The following SLX4IP variants were observed in gnomAD, a reference collection of about 807,000 sequenced individuals.
SLX4IP encodes protein SLX4IP.
In SLX4IP, 34 loss-of-function variants were observed where a neutral mutation model predicts 32.9. The ratio of observed to expected loss-of-function variants is 1.03; its 90% CI spans 0.79 to 1.38. The LOEUF (loss-of-function observed/expected upper bound fraction) is 1.38, where lower values mean the gene tolerates loss of function less well. Among genes scored for constraint, SLX4IP ranks in the 40% most tolerant of loss-of-function variants. The probability of loss-of-function intolerance (pLI) is 0.00; values close to 1 mark genes in which losing one functional copy is unlikely to be tolerated. For missense variants in SLX4IP, 444 were observed against 479.0 expected (o/e 0.93, Z 0.68); for synonymous variants, 172 against 171.7 (o/e 1.00, Z -0.01).
At chr20:10,449,397 C>T (rs2065224835) in intron 1 of SLX4IP, among the ~76,000 whole-genome samples, 1 of 152,198 alleles carries the variant, frequency 6.6e-6, no homozygotes, top group East Asian at 1.9e-4. Flanking sequence ...AGGTCATACT[C>T]TGTGTTGGGA....
At chr20:10,440,825 G>T (rs1404674695) in intron 1 of SLX4IP, among the ~76,000 whole-genome samples, 1 of 152,174 alleles carries the variant, frequency 6.6e-6, no homozygotes, top group Non-Finnish European at 1.5e-5. Context: ...TTACAAAGTG[G>T]ATTGATCATG....
At chr20:10,492,422 A>G (rs1014488414) in intron 2 of SLX4IP, among the ~76,000 whole-genome samples, 5 of 152,010 alleles carry the variant, frequency 3.3e-5, no homozygotes. Context: ...ACTTTTTCCA[A>G]TCTTATGGGT....
At position 10,435,460 on chromosome 20, in the gene SLX4IP, A is replaced by C. The variant is rs2065101646; in HGVS notation, c.-30+7A>C. 6.6e-6 allele frequency: 1 copy of C among 152,296 alleles called. No homozygotes were observed. Among genetic ancestry groups the C allele is most frequent in the African/African-American group, 2.4e-5 (1 of 41,472 alleles). 9.4% of individuals were successfully genotyped at this position (152,296 alleles called of 1,614,324 possible). On this transcript the variant is annotated splice_region_variant and intron_variant, in intron 1 of 7. Coordinates refer to ENST00000334534, the MANE Select transcript of SLX4IP (RefSeq NM_001009608.3). ...AACCCCGCCACCATCATAGGTAAGCACATGGACCTCTGACAACCTCAGATG... is the reference window on the plus strand; with the variant it reads ...AACCCCGCCACCATCATAGGTAAGCCCATGGACCTCTGACAACCTCAGATG...
intron 2 of SLX4IP, among the ~76,000 whole-genome samples, chr20:10,478,570 A>G (rs1456558552): frequency 1.3e-5 from 2 of 152,236 alleles, no homozygotes; most frequent in Non-Finnish European, 2.9e-5. Context: ...AGTGGTTTGT[A>G]ATTTTAAACA....
intron 2 of SLX4IP, among the ~76,000 whole-genome samples, chr20:10,495,546 A>C (rs1217928437): frequency 6.6e-6 from 1 of 152,158 alleles, no homozygotes; most frequent in Non-Finnish European, 1.5e-5. Flanking sequence ...TTTTTGCTTA[A>C]ATATTTTGCC....
chr20:10,561,551 T>C (rs1355052711), intron 4 of SLX4IP, among the ~76,000 whole-genome samples: 2 of 150,866 alleles, frequency 1.3e-5, no homozygotes, highest in African/African-American at 2.4e-5. Flanking sequence ...TTTTCTTTTT[T>C]TTTTTTTGGT....
chr20:10,575,769 T>G (rs1299726779), intron 4 of SLX4IP, among the ~76,000 whole-genome samples: 1 of 152,056 alleles, frequency 6.6e-6, no homozygotes, highest in African/African-American at 2.4e-5. Context: ...TTTTTTTTCC[T>G]TTGGCCAGGA....
chr20:10,443,222 AAAAAAC>A (rs879678951), intron 1 of SLX4IP, among the ~76,000 whole-genome samples: 8 of 152,314 alleles, frequency 5.3e-5, no homozygotes, highest in East Asian at 1.9e-4. Context: ...TAAATCTAAA[AAAAAAC>A]AAAAACAAAA....
At position 10,534,500 on chromosome 20, in the gene SLX4IP, C is replaced by T. The variant is rs76697489; in HGVS notation, c.28-21731C>T. On this transcript the variant is annotated intron_variant, in intron 2 of 7. Coordinates refer to ENST00000334534, the MANE Select transcript of SLX4IP (RefSeq NM_001009608.3). ...AAGATAAAGGGTGAGTTGCCCTGGT[C>T]TGGAGCCTTAGAAGGTTTCCGTAAA... 1.3e-3 allele frequency among the ~76,000 whole-genome samples: 191 copies of T among 152,278 alleles called. 5 individuals are homozygous for T. In the East Asian group the frequency reaches 0.03, roughly 24 times the overall value.
At chr20:10,523,147 G>A (rs1030465076) in intron 2 of SLX4IP, among the ~76,000 whole-genome samples, 1 of 152,178 alleles carries the variant, frequency 6.6e-6, no homozygotes, top group African/African-American at 2.4e-5. Context: ...CAGTGGGTAA[G>A]TTTATAGAGC....
chr20:10,587,152 G>T (rs1206847645), intron 4 of SLX4IP, among the ~76,000 whole-genome samples: 4 of 152,154 alleles, frequency 2.6e-5, no homozygotes, highest in Non-Finnish European at 5.9e-5. Context: ...CTAAATATTA[G>T]CAAGCTAAAT....
chr20:10,462,093 T>G (rs1407606012), intron 2 of SLX4IP, among the ~76,000 whole-genome samples: 1 of 151,962 alleles, frequency 6.6e-6, no homozygotes, highest in Non-Finnish European at 1.5e-5. Flanking sequence ...AAACATAATA[T>G]AAATGAAAAT....
chr20:10,471,469 T>A (rs1389563719), intron 2 of SLX4IP, among the ~76,000 whole-genome samples: 1 of 152,230 alleles, frequency 6.6e-6, no homozygotes, highest in Non-Finnish European at 1.5e-5. Context: ...CCAGTAATTT[T>A]TTTCAGACAT....
At chr20:10,470,083 G>A (rs1281969146) in intron 2 of SLX4IP, among the ~76,000 whole-genome samples, 1 of 152,168 alleles carries the variant, frequency 6.6e-6, no homozygotes, top group Non-Finnish European at 1.5e-5. Context: ...GATCCTCTTT[G>A]TCCTTTGAAA....
intron 1 of SLX4IP, among the ~76,000 whole-genome samples, chr20:10,435,682 G>C (rs781086911): frequency 6.6e-6 from 1 of 152,210 alleles, no homozygotes; most frequent in Non-Finnish European, 1.5e-5. Context: ...AAAGTTAACT[G>C]TCTTTGCACA....
At chr20:10,607,198 A>G (rs539734367) in intron 6 of SLX4IP, among the ~76,000 whole-genome samples, 24 of 152,322 alleles carry the variant, frequency 1.6e-4, no homozygotes, top group African/African-American at 5.8e-4. Context: ...CCACACCGTC[A>G]GTGCACACAT....
At chr20:10,447,835 G>A (rs2065213590) in intron 1 of SLX4IP, among the ~76,000 whole-genome samples, 1 of 150,864 alleles carries the variant, frequency 6.6e-6, no homozygotes, top group Non-Finnish European at 1.5e-5. Flanking sequence ...CATGTAGCTG[G>A]GACCACAGGT....
chr20:10,512,006 G>A (rs1328987663), intron 2 of SLX4IP, among the ~76,000 whole-genome samples: 1 of 152,206 alleles, frequency 6.6e-6, no homozygotes, highest in Non-Finnish European at 1.5e-5. Context: ...GGATTGGAAA[G>A]CAATGTCTCT....
At chr20:10,539,221 G>A (rs1273226191) in intron 2 of SLX4IP, among the ~76,000 whole-genome samples, 1 of 152,158 alleles carries the variant, frequency 6.6e-6, no homozygotes, top group African/African-American at 2.4e-5. Context: ...AGAAAAAAAG[G>A]CATTCAAGGA....
Sources: gnomAD v4.1 joint callset for allele counts (sites outside exome capture counted in the v4.1 genomes callset) on GRCh38, gnomAD v4.1.1 for gene constraint, MANE v1.5 for transcripts, NCBI Gene and HGNC (gene_info 2026-07-23, HGNC 2026-07-21) for gene names.